ANGPT1: variants seen among roughly 807,000 people sequenced by gnomAD.
ANGPT1 encodes the protein angiopoietin 1.
Under a neutral mutation model 62.2 loss-of-function variants are expected in ANGPT1, and 17 were observed. That is an observed-to-expected ratio of 0.27 (90% confidence interval 0.19 to 0.41). ANGPT1 has a LOEUF of 0.41. ANGPT1 is among the 10% of genes least tolerant of loss of function. ANGPT1 has a pLI of 1.00. For synonymous variants in ANGPT1, 199 were observed against 198.9 expected (o/e 1.00, Z 0.00); for missense variants, 478 against 594.9 (o/e 0.80, Z 2.04).
intron 4 of ANGPT1, among the ~76,000 whole-genome samples, chr8:107,319,520 T>C (rs1347033884): frequency 2.6e-5 from 4 of 151,834 alleles, no homozygotes; most frequent in Non-Finnish European, 4.4e-5. Flanking sequence ...TGCATATATA[T>C]AAATTTATAA....
chr8:107,380,724 T>C (rs1294878384), intron 1 of ANGPT1, among the ~76,000 whole-genome samples: 1 of 152,108 alleles, frequency 6.6e-6, no homozygotes, highest in African/African-American at 2.4e-5. Context: ...GAGGGGAAAA[T>C]CTTTTCTACT....
chr8:107,359,566 C>T (rs1482978607), intron 1 of ANGPT1, among the ~76,000 whole-genome samples: 2 of 152,136 alleles, frequency 1.3e-5, no homozygotes, highest in African/African-American at 4.8e-5. Flanking sequence ...ACAGCTCCCC[C>T]AACTTCCTAG....
At chr8:107,312,207 C>CAGTA (rs1814887880) in intron 4 of ANGPT1, among the ~76,000 whole-genome samples, 1 of 152,154 alleles carries the variant, frequency 6.6e-6, no homozygotes, top group African/African-American at 2.4e-5. Flanking sequence ...CCCTGTTGGG[C>CAGTA]AGTTACGAAT....
At chr8:107,268,553 TA>T (rs1813668316) in intron 7 of ANGPT1, among the ~76,000 whole-genome samples, 1 of 151,648 alleles carries the variant, frequency 6.6e-6, no homozygotes, top group East Asian at 1.9e-4. Context: ...GCAGATAGAA[TA>T]AAGGAAAAAA....
chr8:107,334,479 A>G (rs886803266), intron 3 of ANGPT1, among the ~76,000 whole-genome samples: 5 of 152,316 alleles, frequency 3.3e-5, no homozygotes, highest in African/African-American at 4.8e-5. Flanking sequence ...AAAATGCAGC[A>G]AAATATGCAG....
intron 1 of ANGPT1, among the ~76,000 whole-genome samples, chr8:107,440,355 C>A (rs2130429152): frequency 6.6e-6 from 1 of 152,248 alleles, no homozygotes; most frequent in Non-Finnish European, 1.5e-5. Flanking sequence ...TCATTTAGAT[C>A]TAGGAGAAAC....
At chr8:107,495,102 T>C (rs1205749261) in intron 1 of ANGPT1, 1 of 152,166 alleles carries the variant, frequency 6.6e-6, no homozygotes, top group Non-Finnish European at 1.5e-5. Flanking sequence ...TGAAGAAAAC[T>C]CCTAATTAAG....
At chr8:107,495,507 A>C (rs1158601134) in intron 1 of ANGPT1, among the ~76,000 whole-genome samples, 1 of 152,168 alleles carries the variant, frequency 6.6e-6, no homozygotes, top group African/African-American at 2.4e-5. Flanking sequence ...TAGCAACAAG[A>C]AATATGCATT....
intron 5 of ANGPT1, among the ~76,000 whole-genome samples, chr8:107,301,880 G>T (rs1333404869): frequency 6.6e-6 from 1 of 151,956 alleles, no homozygotes; most frequent in Non-Finnish European, 1.5e-5. Flanking sequence ...AGGGAAAATA[G>T]AATTGTATCA....
intron 8 of ANGPT1, among the ~76,000 whole-genome samples, chr8:107,261,235 A>G (rs1335949895): frequency 6.6e-6 from 1 of 151,174 alleles, no homozygotes; most frequent in Non-Finnish European, 1.5e-5. Flanking sequence ...AAAATTTTCT[A>G]TCAGGAAAAA....
At chr8:107,446,068 C>T (rs897395527) in intron 1 of ANGPT1, among the ~76,000 whole-genome samples, 1 of 152,064 alleles carries the variant, frequency 6.6e-6, no homozygotes, top group African/African-American at 2.4e-5. Flanking sequence ...CAGGCACGTG[C>T]CACCATGCCC....
At position 107,497,497 on chromosome 8, in the gene ANGPT1, T is replaced by C. The variant is rs764512469; in HGVS notation, c.62A>G (p.Asn21Ser). 1 of 1,614,126 alleles carries C rather than the reference T, an allele frequency of 6.2e-7. No homozygotes were observed. Among genetic ancestry groups the C allele is most frequent in the Non-Finnish European group, 8.5e-7 (1 of 1,180,016 alleles). ...AAILTHIGCSNQRRSPENSGR... is the reference protein window; with the variant it reads ...AAILTHIGCSSQRRSPENSGR... The stretch of plus-strand genomic sequence containing the variant: ...ACTGTTTTCTGGACTTCGGCGCTGA[T>C]TGCTGCACCCTATGTGAGTCAGAAT... Residue 21 changes from asparagine to serine, a missense_variant, in exon 1 of 9, where the codon AAT becomes AGT. Physicochemically the swap from Asn to Ser is conservative, Grantham distance 46. This residue lies in a region of ANGPT1 where 343 missense variants were observed against 355.4 expected (regional missense o/e 0.97). Coordinates refer to ENST00000517746, the MANE Select transcript of ANGPT1 (RefSeq NM_001146.5).
intron 7 of ANGPT1, among the ~76,000 whole-genome samples, chr8:107,273,494 A>G (rs1170250625): frequency 3.9e-5 from 6 of 151,964 alleles, no homozygotes; most frequent in Admixed American, 2.0e-4. Context: ...CATGGATTCT[A>G]GCCCTCTGTT....
intron 1 of ANGPT1, among the ~76,000 whole-genome samples, chr8:107,408,495 G>T (rs1388664691): frequency 4.2e-5 from 5 of 119,322 alleles, no homozygotes; most frequent in African/African-American, 1.7e-4. Flanking sequence ...GCTGAAAGTA[G>T]AAAAACAAAG....
At chr8:107,454,966 T>A (rs569689751) in intron 1 of ANGPT1, among the ~76,000 whole-genome samples, 1 of 152,176 alleles carries the variant, frequency 6.6e-6, no homozygotes, top group African/African-American at 2.4e-5. Context: ...GGTTTGGAAA[T>A]GGGTTCCACC....
chr8:107,449,014 A>G (rs553341569), intron 1 of ANGPT1, among the ~76,000 whole-genome samples: 2 of 152,092 alleles, frequency 1.3e-5, no homozygotes, highest in South Asian at 2.1e-4. Flanking sequence ...GACATAGGAG[A>G]TATCAGTGCT....
At chr8:107,457,809 CCCCACACATACCCACTACACACA>C (rs1343426847) in intron 1 of ANGPT1, among the ~76,000 whole-genome samples, 1 of 148,986 alleles carries the variant, frequency 6.7e-6, no homozygotes, top group Non-Finnish European at 1.5e-5. Flanking sequence ...TTCACACTCA[CCCCACACATACCCACTACACACA>C]CACACACACA....
chr8:107,314,504 A>C (rs1814967731), intron 4 of ANGPT1, among the ~76,000 whole-genome samples: 1 of 152,194 alleles, frequency 6.6e-6, no homozygotes, highest in Non-Finnish European at 1.5e-5. Context: ...GACTATTCTA[A>C]AAGGCAGATA....
chr8:107,383,320 C>T (rs1433182), intron 1 of ANGPT1, among the ~76,000 whole-genome samples: 118,345 of 152,058 alleles, frequency 0.78, 46,272 homozygotes, highest in East Asian at 0.92. Flanking sequence ...GGATGTACAC[C>T]TGAAACTGAA....
Sources: allele counts gnomAD v4.1 joint callset (sites outside exome capture counted in the v4.1 genomes callset), GRCh38; gene constraint gnomAD v4.1.1; regional missense constraint gnomAD v4.1.1; transcripts MANE v1.5; gene names NCBI Gene and HGNC (gene_info 2026-07-23, HGNC 2026-07-21).